Variants in LIPA observed in about 807,000 individuals in gnomAD.
LIPA encodes lysosomal acid lipase/cholesteryl ester hydrolase.
A neutral mutation model predicts 40.6 loss-of-function variants in LIPA; 26 were observed. The observed-to-expected ratio is 0.64, with a 90% CI of 0.47 to 0.89. LIPA has a LOEUF of 0.89. Ranked by LOEUF, LIPA falls within the 40% of genes least tolerant of loss-of-function variation. The probability of loss-of-function intolerance (pLI) is 0.00; values close to 1 mark genes in which losing one functional copy is unlikely to be tolerated. For missense variants in LIPA, 455 were observed against 479.6 expected (o/e 0.95, Z 0.48); for synonymous variants, 188 against 168.4 (o/e 1.12, Z -0.90).
chr10:89,281,672 T>C (rs1409557755), intron 1 of LIPA, among the ~76,000 whole-genome samples: 1 of 152,246 alleles, frequency 6.6e-6, no homozygotes, highest in African/African-American at 2.4e-5. Flanking sequence ...AACACTTCGC[T>C]ACTGCACTTT....
intron 2 of LIPA, among the ~76,000 whole-genome samples, chr10:89,371,162 T>C (rs1340996983): frequency 2.0e-5 from 3 of 152,334 alleles, no homozygotes; most frequent in East Asian, 3.9e-4. Flanking sequence ...AAAGGAGATA[T>C]CACAGAACTC....
chr10:89,244,026 C>T (rs897351799), intron 3 of LIPA, among the ~76,000 whole-genome samples: 2 of 152,104 alleles, frequency 1.3e-5, no homozygotes, highest in Non-Finnish European at 1.5e-5. Context: ...CTCGCTCTAG[C>T]ATAAAATATA....
chr10:89,355,165 A>G (rs1843982545), intron 2 of LIPA, among the ~76,000 whole-genome samples: 1 of 152,224 alleles, frequency 6.6e-6, no homozygotes, highest in Non-Finnish European at 1.5e-5. Flanking sequence ...ACGGCTATCA[A>G]ACTTTTATGT....
At chr10:89,383,410 C>G (rs1487809060) in intron 2 of LIPA, 1 of 1,614,072 alleles carries the variant, frequency 6.2e-7, no homozygotes, top group Non-Finnish European at 8.5e-7. Flanking sequence ...CCCTGAAATT[C>G]CTGATTTAGA....
At chr10:89,312,808 CA>C (rs1423681297) in intron 1 of LIPA, among the ~76,000 whole-genome samples, 137 of 136,968 alleles carry the variant, frequency 1.0e-3, no homozygotes, top group Middle Eastern at 3.6e-3. Flanking sequence ...GACTCCCTCT[CA>C]AAAAAAAAAA....
intron 1 of LIPA, among the ~76,000 whole-genome samples, chr10:89,336,648 G>A (rs1343312858): frequency 6.6e-6 from 1 of 152,162 alleles, no homozygotes; most frequent in Non-Finnish European, 1.5e-5. Context: ...CTTTTTCAGT[G>A]GCAAGGAAAA....
intron 2 of LIPA, among the ~76,000 whole-genome samples, chr10:89,381,900 C>A (rs1844166166): frequency 6.6e-6 from 1 of 152,022 alleles, no homozygotes; most frequent in African/African-American, 2.4e-5. Flanking sequence ...ATTCTTGTGC[C>A]TCAGCCTCCA....
chr10:89,221,791 C>G (rs1842701797), intron 8 of LIPA, among the ~76,000 whole-genome samples: 1 of 152,186 alleles, frequency 6.6e-6, no homozygotes, highest in African/African-American at 2.4e-5. Flanking sequence ...CTATTTCTAT[C>G]CATGTCTTTA....
At chr10:89,354,328 CTGTCTTCCTAAAA>C (rs1843978329) in intron 2 of LIPA, among the ~76,000 whole-genome samples, 1 of 152,218 alleles carries the variant, frequency 6.6e-6, no homozygotes, top group Non-Finnish European at 1.5e-5. Context: ...TTGATGTCTC[CTGTCTTCCTAAAA>C]TGTATAAAAC....
At chr10:89,314,268 C>T (rs570400700) in intron 1 of LIPA, among the ~76,000 whole-genome samples, 1 of 152,320 alleles carries the variant, frequency 6.6e-6, no homozygotes, top group Admixed American at 6.5e-5. Flanking sequence ...TACTCATACG[C>T]AGGAACCTTA....
intron 2 of LIPA, among the ~76,000 whole-genome samples, chr10:89,395,596 A>G (rs987616656): frequency 1.3e-5 from 2 of 152,214 alleles, no homozygotes; most frequent in Non-Finnish European, 2.9e-5. Flanking sequence ...AACACAGGTC[A>G]GGCAAGAACC....
intron 2 of LIPA, chr10:89,412,745 A>G (rs1404636718): frequency 4.6e-6 from 2 of 439,460 alleles, no homozygotes; most frequent in South Asian, 3.2e-5. Context: ...ACTCACTGTG[A>G]AGGTCTGCAG....
intron 1 of LIPA, among the ~76,000 whole-genome samples, chr10:89,249,087 A>AC (rs2094906541): frequency 6.6e-6 from 1 of 152,208 alleles, no homozygotes; most frequent in African/African-American, 2.4e-5. Context: ...CTACTTATCT[A>AC]ACCACTTCTG....
intron 3 of LIPA, 116 bp downstream of exon 3, chr10:89,245,556 CAGTT>C: frequency 4.0e-6 from 3 of 754,332 alleles, no homozygotes; most frequent in South Asian, 2.7e-5. Context: ...AACCTCAACA[CAGTT>C]AGTGCTTTCG....
chr10:89,370,800 T>C (rs1303486218), intron 2 of LIPA, among the ~76,000 whole-genome samples: 1 of 152,124 alleles, frequency 6.6e-6, no homozygotes, highest in East Asian at 1.9e-4. Flanking sequence ...GCAGGTCACC[T>C]GAGGTCAGGA....
intron 1 of LIPA, chr10:89,278,571 C>T (rs893721722): frequency 5.9e-5 from 9 of 152,140 alleles, no homozygotes; most frequent in African/African-American, 2.2e-4. Flanking sequence ...TAAAATGCTG[C>T]TCTATTTTGC....
chr10:89,268,658 TG>T (rs1219906616), intron 1 of LIPA, among the ~76,000 whole-genome samples: 2 of 152,214 alleles, frequency 1.3e-5, no homozygotes. Flanking sequence ...AATGGTTGCA[TG>T]TATTATTTTG....
At chr10:89,279,408 G>A (rs1316971709) in intron 1 of LIPA, among the ~76,000 whole-genome samples, 1 of 152,174 alleles carries the variant, frequency 6.6e-6, no homozygotes, top group Admixed American at 6.5e-5. Context: ...TGGTCCTAGG[G>A]TTGGAAGAGA....
At chr10:89,324,459 A>G (rs1239223027) in intron 1 of LIPA, among the ~76,000 whole-genome samples, 1 of 152,166 alleles carries the variant, frequency 6.6e-6, no homozygotes, top group Non-Finnish European at 1.5e-5. Context: ...CATAGAAACC[A>G]GCAAAGATTT....
Sources: allele counts gnomAD v4.1 joint callset (sites outside exome capture counted in the v4.1 genomes callset), GRCh38; gene constraint gnomAD v4.1.1; transcripts MANE v1.5; gene names NCBI Gene and HGNC (gene_info 2026-07-23, HGNC 2026-07-21).